RBFOX1: variants seen among roughly 807,000 people sequenced by gnomAD.
RBFOX1 encodes the protein RNA binding protein fox-1 homolog 1.
A neutral mutation model predicts 57.7 loss-of-function variants in RBFOX1; 8 were observed. The observed-to-expected ratio is 0.14, with a 90% CI of 0.08 to 0.25. The LOEUF is 0.25. Among genes scored for constraint, RBFOX1 ranks in the 10% least tolerant of loss-of-function variants. RBFOX1 has a pLI of 1.00. For missense variants in RBFOX1, 611 were observed against 548.5 expected, an observed-to-expected ratio of 1.11 and a Z score of -1.14; for synonymous variants, 326 against 222.4, an observed-to-expected ratio of 1.47 and a Z score of -4.15.
chr16:6,958,330 C>A (rs528939035), intron 3 of RBFOX1, among the ~76,000 whole-genome samples: 2 of 152,278 alleles, frequency 1.3e-5, no homozygotes, highest in Non-Finnish European at 2.9e-5. Context: ...TAGAACTTAA[C>A]CTTCTGAATC....
intron 1 of RBFOX1, among the ~76,000 whole-genome samples, chr16:6,154,263 G>A (rs905056479): frequency 5.9e-5 from 9 of 152,144 alleles, no homozygotes; most frequent in East Asian, 1.9e-4. Context: ...AAGTAATTAC[G>A]GTTTTTGCTT....
chr16:6,914,411 A>G (rs550196484), intron 3 of RBFOX1, among the ~76,000 whole-genome samples: 2 of 152,310 alleles, frequency 1.3e-5, no homozygotes, highest in South Asian at 4.2e-4. Flanking sequence ...TAAAAGAGGA[A>G]GAGAGAAGAG....
At chr16:7,039,652 C>G (rs180862377) in intron 3 of RBFOX1, among the ~76,000 whole-genome samples, 74 of 152,262 alleles carry the variant, frequency 4.9e-4, no homozygotes, top group East Asian at 1.4e-3. Context: ...ATTTGCTTAT[C>G]TGACATAAAC....
rs140595668 is a variant in RBFOX1 at position 6,473,377 on chromosome 16, G to A, written c.-64+156320G>A. On this transcript the variant is annotated intron_variant, in intron 2 of 15. Coordinates refer to ENST00000550418, the MANE Select transcript of RBFOX1 (RefSeq NM_018723.4). ...GGAGTCAGTTCATGCAATAATGGAT[G>A]CTGACAACCCTAGCATCTTATCGAA... Among the ~76,000 whole-genome samples, 684 of 152,192 alleles carry A rather than the reference G, an allele frequency of 4.5e-3. 10 individuals carry two copies. The highest frequency in any genetic ancestry group is 0.019 in the Admixed American group (297 of 15,292).
At chr16:7,158,722 A>G (rs1033751580) in intron 4 of RBFOX1, among the ~76,000 whole-genome samples, 17 of 135,654 alleles carry the variant, frequency 1.3e-4, no homozygotes, top group African/African-American at 4.1e-4. Context: ...GTGTGCATGC[A>G]TCTGTTTGGT....
At chr16:6,294,349 G>C (rs1407281790) in intron 1 of RBFOX1, among the ~76,000 whole-genome samples, 1 of 152,194 alleles carries the variant, frequency 6.6e-6, no homozygotes, top group East Asian at 1.9e-4. Context: ...TCCCAGTATG[G>C]TTAGATGAGT....
chr16:6,428,309 A>AT (rs2093986802), intron 2 of RBFOX1, among the ~76,000 whole-genome samples: 6 of 150,838 alleles, frequency 4.0e-5, no homozygotes, highest in African/African-American at 4.9e-5. Flanking sequence ...AAAAAAAAAA[A>AT]GTGCTCGATG....
intron 3 of RBFOX1, among the ~76,000 whole-genome samples, chr16:6,757,994 A>G (rs747466851): frequency 2.6e-5 from 4 of 152,170 alleles, no homozygotes; most frequent in Non-Finnish European, 5.9e-5. Flanking sequence ...TTAATGCGGC[A>G]GACCCTGTCC....
intron 3 of RBFOX1, among the ~76,000 whole-genome samples, chr16:6,661,306 A>G (rs964953165): frequency 1.8e-4 from 27 of 152,198 alleles, no homozygotes; most frequent in African/African-American, 5.5e-4. Context: ...CTGTCGGTCT[A>G]TGAAAGGCCC....
chr16:6,493,842 A>C (rs1251686970), intron 2 of RBFOX1, among the ~76,000 whole-genome samples: 1 of 152,218 alleles, frequency 6.6e-6, no homozygotes, highest in Admixed American at 6.5e-5. Flanking sequence ...GAATATACGA[A>C]AGCTAGAAAT....
intron 4 of RBFOX1, among the ~76,000 whole-genome samples, chr16:7,482,482 G>A (rs1398972256): frequency 7.5e-6 from 1 of 133,788 alleles, no homozygotes; most frequent in Non-Finnish European, 1.6e-5. Flanking sequence ...TGTTGTTGTT[G>A]TTGTTGTTGT....
chr16:5,535,856 A>T lies in RBFOX1; in HGVS notation c.259-63046A>T, dbSNP rs376369834. ...ACAGACATTTCTGAGATACTATCTA[A>T]TTTGGGCTACTGCTGAGATGGCTGA... On this transcript the variant is annotated intron_variant, in intron 2 of 2. Transcript: ENST00000585867. Among the ~76,000 whole-genome samples, 3 of 152,140 alleles carry T rather than the reference A, an allele frequency of 2.0e-5. No homozygotes were observed. The East Asian group carries it at 5.8e-4, about 29-fold the overall frequency.
chr16:6,094,255 A>G (rs1293851351), intron 1 of RBFOX1, among the ~76,000 whole-genome samples: 4 of 152,180 alleles, frequency 2.6e-5, no homozygotes, highest in African/African-American at 7.2e-5. Flanking sequence ...CTTGCATTTT[A>G]TCATTCCCTG....
intron 1 of RBFOX1, among the ~76,000 whole-genome samples, chr16:5,286,144 C>T (rs2063389499): frequency 6.6e-6 from 1 of 152,130 alleles, no homozygotes. Flanking sequence ...TGTCCTTCGG[C>T]ATCATTGGTA....
chr16:7,454,155 C>G (rs1319861468), intron 4 of RBFOX1, among the ~76,000 whole-genome samples: 1 of 152,192 alleles, frequency 6.6e-6, no homozygotes, highest in Non-Finnish European at 1.5e-5. Flanking sequence ...ATCGCTTGAA[C>G]TCAGGAGGCT....
intron 4 of RBFOX1, among the ~76,000 whole-genome samples, chr16:5,959,196 G>A (rs2059702919): frequency 6.6e-6 from 1 of 152,140 alleles, no homozygotes; most frequent in Non-Finnish European, 1.5e-5. Flanking sequence ...ATCAGACAGT[G>A]GCTTTCTATT....
intron 1 of RBFOX1, among the ~76,000 whole-genome samples, chr16:5,383,470 C>T (rs902156281): frequency 3.9e-5 from 6 of 152,188 alleles, no homozygotes. Context: ...CACTGTTAAG[C>T]ACCAACTGCA....
At position 6,316,946 on chromosome 16, in the gene RBFOX1, C is replaced by G. The variant is rs1254076451; in HGVS notation, c.-126-49C>G. On this transcript the variant is annotated intron_variant, in intron 1 of 15. Transcript: ENST00000550418. ...TGACAAAAAAAGTGCGGACAAAATT[C>G]AAGAATACATTTCTTGATACTAAAG... 8.7e-6 allele frequency: 13 copies of G among 1,493,938 alleles called. No individual in the cohort carries two copies. In the East Asian group the frequency reaches 3.2e-4, roughly 37 times the overall value. 92.5% of individuals were successfully genotyped at this position (1,493,938 alleles called of 1,614,324 possible).
At chr16:7,280,941 G>A (rs1350727990) in intron 4 of RBFOX1, among the ~76,000 whole-genome samples, 1 of 148,966 alleles carries the variant, frequency 6.7e-6, no homozygotes, top group Non-Finnish European at 1.5e-5. Context: ...TCAATTGCAT[G>A]TGATTCCCTA....
Sources: allele counts gnomAD v4.1 joint callset (sites outside exome capture counted in the v4.1 genomes callset), GRCh38; gene constraint gnomAD v4.1.1; transcripts MANE v1.5; gene names NCBI Gene and HGNC (gene_info 2026-07-23, HGNC 2026-07-21).